Variants in TUSC3 observed in about 807,000 individuals in gnomAD.
The protein encoded by TUSC3 is dolichyl-diphosphooligosaccharide--protein glycosyltransferase subunit TUSC3.
TUSC3 carries 45 observed loss-of-function variants against 44.8 expected under a neutral mutation model. The observed-to-expected ratio is 1.00, with a 90% confidence interval of 0.79 to 1.29. The LOEUF is 1.29. Among genes scored for constraint, TUSC3 ranks in the 50% most tolerant of loss-of-function variants. TUSC3 has a pLI of 0.00. For missense variants in TUSC3, 519 were observed against 437.9 expected (o/e 1.19, Z -1.65); for synonymous variants, 212 against 152.9 (o/e 1.39, Z -2.85).
At chr8:15,748,616 A>G in intron 9 of TUSC3, 151 bp downstream of exon 9, 2 of 766,952 alleles carry the variant, frequency 2.6e-6, no homozygotes, top group Non-Finnish European at 2.4e-6. Context: ...CCATGTGTTC[A>G]GCATAGTGAA....
At chr8:15,432,015 G>T (rs7837808) in intron 1 of TUSC3, among the ~76,000 whole-genome samples, 1 of 151,306 alleles carries the variant, frequency 6.6e-6, no homozygotes, top group Admixed American at 6.6e-5. Flanking sequence ...AATGGCATTT[G>T]ATTTGCTAGT....
At chr8:15,564,141 ATTT>A (rs758777794) in intron 1 of TUSC3, among the ~76,000 whole-genome samples, 6 of 151,906 alleles carry the variant, frequency 3.9e-5, no homozygotes, top group East Asian at 1.9e-4. Context: ...ATTAGTTTAG[ATTT>A]TTTTTCTAAT....
In TUSC3 at chr8:15,616,991, C is replaced by T. The variant is rs571528980; in HGVS notation, c.139-6089C>T. ...GATCAGAGGCGCTGCTTGCTGGCCA[C>T]AGAGATTTCCGGCTAGCGAAGTGGC... On this transcript the variant is annotated intron_variant, in intron 1 of 10. Coordinates refer to ENST00000503731, the MANE Select transcript of TUSC3 (RefSeq NM_006765.4). 1.1e-4 allele frequency among the ~76,000 whole-genome samples: 16 copies of T among 152,234 alleles called. No homozygotes were observed. The South Asian group carries it at 3.1e-3, about 30-fold the overall frequency.
intron 1 of TUSC3, among the ~76,000 whole-genome samples, chr8:15,570,192 C>T (rs1802820385): frequency 6.6e-6 from 1 of 151,518 alleles, no homozygotes; most frequent in Non-Finnish European, 1.5e-5. Context: ...GTCATCTGTG[C>T]AGAGTAATTT....
At chr8:15,490,943 T>C (rs892975308) in intron 2 of TUSC3, among the ~76,000 whole-genome samples, 29 of 152,148 alleles carry the variant, frequency 1.9e-4, no homozygotes, top group Admixed American at 5.9e-4. Flanking sequence ...ATTACAGTGC[T>C]CCATGCTTTC....
At chr8:15,464,333 C>T (rs1035355146) in intron 1 of TUSC3, among the ~76,000 whole-genome samples, 48 of 152,128 alleles carry the variant, frequency 3.2e-4, no homozygotes, top group Non-Finnish European at 5.9e-4. Flanking sequence ...CAGGAATAAC[C>T]ATATGGTTAT....
chr8:15,471,159 C>A (rs556026555), intron 1 of TUSC3, among the ~76,000 whole-genome samples: 1 of 152,166 alleles, frequency 6.6e-6, no homozygotes, highest in Non-Finnish European at 1.5e-5. Context: ...ACTACAACCT[C>A]TGCTCATTGA....
the TUSC3 span, among the ~76,000 whole-genome samples, chr8:15,820,310 CTTTTTTTT>C: frequency 1.0e-5 from 1 of 97,572 alleles, no homozygotes; most frequent in African/African-American, 3.7e-5. Context: ...ATCTGTAATT[CTTTTTTTT>C]TTTTTTTTTT....
chr8:15,577,914 A>G (rs890075421), intron 1 of TUSC3, among the ~76,000 whole-genome samples: 2 of 150,768 alleles, frequency 1.3e-5, no homozygotes, highest in Non-Finnish European at 3.0e-5. Flanking sequence ...CAGTACGGCC[A>G]TTTTTATGAT....
At chr8:15,787,549 TAAGACC>T in the TUSC3 span, among the ~76,000 whole-genome samples, 1 of 152,226 alleles carries the variant, frequency 6.6e-6, no homozygotes, top group African/African-American at 2.4e-5. Context: ...CTTAGAATAA[TAAGACC>T]AGTACCAGTG....
intron 1 of TUSC3, among the ~76,000 whole-genome samples, chr8:15,442,371 G>C (rs950277552): frequency 1.3e-5 from 2 of 151,956 alleles, no homozygotes; most frequent in Admixed American, 6.6e-5. Context: ...TAAATAATAG[G>C]AAAGAATAAA....
At chr8:15,441,584 A>AT (rs1343077874) in intron 1 of TUSC3, among the ~76,000 whole-genome samples, 2 of 152,248 alleles carry the variant, frequency 1.3e-5, no homozygotes, top group African/African-American at 4.8e-5. Flanking sequence ...ATAATAGGCT[A>AT]TGCTGAGAAT....
chr8:15,680,570 T>C (rs1037210400), intron 6 of TUSC3, among the ~76,000 whole-genome samples: 4 of 152,168 alleles, frequency 2.6e-5, no homozygotes, highest in African/African-American at 2.4e-5. Flanking sequence ...CCTATTTGGA[T>C]GTCTTCTGTT....
chr8:15,527,282 T>C (rs1030715031), intron 2 of TUSC3, among the ~76,000 whole-genome samples: 1 of 152,168 alleles, frequency 6.6e-6, no homozygotes, highest in Non-Finnish European at 1.5e-5. Flanking sequence ...AGTGGAACAA[T>C]CTTGGCTCAC....
intron 5 of TUSC3, among the ~76,000 whole-genome samples, chr8:15,668,530 C>CCTTA (rs1807782275): frequency 6.6e-6 from 1 of 151,590 alleles, no homozygotes; most frequent in South Asian, 2.1e-4. Flanking sequence ...CCCACAGGGA[C>CCTTA]CTTACATGTG....
At chr8:15,470,049 A>T (rs1426410501) in intron 1 of TUSC3, among the ~76,000 whole-genome samples, 1 of 152,084 alleles carries the variant, frequency 6.6e-6, no homozygotes, top group Non-Finnish European at 1.5e-5. Context: ...TGAGCCCAGC[A>T]GTTCAAGACC....
chr8:15,799,470 C>A, the TUSC3 span, among the ~76,000 whole-genome samples: 6,432 of 152,228 alleles, frequency 0.042, 422 homozygotes, highest in African/African-American at 0.15. Flanking sequence ...AGTTCCTCTG[C>A]CTGGAGGAGT....
chr8:15,426,841 T>C (rs1603177), intron 1 of TUSC3, among the ~76,000 whole-genome samples: 123,506 of 152,204 alleles, frequency 0.81, 52,157 homozygotes, highest in Non-Finnish European at 0.93. Context: ...CACCATCATA[T>C]ATTCCCACCA....
intron 5 of TUSC3, among the ~76,000 whole-genome samples, chr8:15,668,863 G>A (rs1053688024): frequency 6.6e-6 from 1 of 151,644 alleles, no homozygotes; most frequent in Non-Finnish European, 1.5e-5. Flanking sequence ...GTTCTCTGGA[G>A]AAACAAAAAA....
Sources: gnomAD v4.1 joint callset for allele counts (sites outside exome capture counted in the v4.1 genomes callset) on GRCh38, gnomAD v4.1.1 for gene constraint, MANE v1.5 for transcripts, NCBI Gene and HGNC (gene_info 2026-07-23, HGNC 2026-07-21) for gene names.